The following TMCC3 variants were observed in gnomAD, a reference collection of about 807,000 sequenced individuals.
TMCC3 encodes transmembrane and coiled-coil domain family 3.
A neutral mutation model predicts 40.2 loss-of-function variants in TMCC3; 28 were observed. That is an observed-to-expected ratio of 0.70 (90% confidence interval 0.52 to 0.95). The LOEUF is 0.95. TMCC3 is among the 40% of genes least tolerant of loss of function. The pLI is 0.00. For missense variants in TMCC3, 554 were observed against 615.2 expected (o/e 0.90, Z 1.05); for synonymous variants, 255 against 248.5 (o/e 1.03, Z -0.25).
intron 1 of TMCC3, among the ~76,000 whole-genome samples, chr12:94,640,007 C>G (rs1458936324): frequency 6.6e-6 from 1 of 152,112 alleles, no homozygotes; most frequent in African/African-American, 2.4e-5. Flanking sequence ...CCAGGGTTTT[C>G]CTAGATGATT....
intron 1 of TMCC3, among the ~76,000 whole-genome samples, chr12:94,611,941 C>T (rs951183773): frequency 6.6e-6 from 1 of 152,178 alleles, no homozygotes; most frequent in Admixed American, 6.5e-5. Context: ...AGACTGTTTA[C>T]ATATAGTTCA....
At chr12:94,624,193 CT>C (rs1266283178) in intron 1 of TMCC3, among the ~76,000 whole-genome samples, 1 of 152,182 alleles carries the variant, frequency 6.6e-6, no homozygotes, top group Non-Finnish European at 1.5e-5. Context: ...GGAATATAAA[CT>C]GGTGCAACCA....
rs10716116 is a variant in TMCC3 at position 94,639,764 on chromosome 12, G to GA, written c.78+10588dup. Among the ~76,000 whole-genome samples, 573 of 103,240 alleles carry GA rather than the reference G, an allele frequency of 5.6e-3. 5 individuals are homozygous for GA. The highest frequency in any genetic ancestry group is 0.017 in the African/African-American group (454 of 26,452). The allele number at this position is 103,240 out of a possible 152,430, so 67.7% of individuals were successfully genotyped here. On this transcript the variant is annotated intron_variant, in intron 1 of 3. Coordinates refer to ENST00000261226, the MANE Select transcript of TMCC3 (RefSeq NM_020698.4). ...AAAGGAAGCCAAAATCAAGAGGTAAGAAAAAAAAAAAAAAAAGAAGAAGAA... is the reference window on the plus strand; with the variant it reads ...AAAGGAAGCCAAAATCAAGAGGTAAGAAAAAAAAAAAAAAAAAGAAGAAGAA...
chr12:94,637,453 G>A (rs1202474852), intron 1 of TMCC3, among the ~76,000 whole-genome samples: 1 of 152,222 alleles, frequency 6.6e-6, no homozygotes, highest in Admixed American at 6.5e-5. Flanking sequence ...TTGAAAACAT[G>A]CTGTGTCCGA....
rs946450240 is a variant in TMCC3, at chr12:94,567,553, A to AT, written c.*3881dup. The AT allele has an allele frequency of 2.7e-5, 4 of 146,436 alleles. No individual in the cohort carries two copies. Among genetic ancestry groups the AT allele is most frequent in the East Asian group, 3.9e-4 (2 of 5,186 alleles). The allele number at this position is 146,436 out of a possible 1,614,324, so 9.1% of individuals were successfully genotyped here. A position where few individuals can be genotyped will look rare whatever the true frequency, so the allele number is the denominator to read the frequency against. ...GGAAACTATAGGTTAGTTCTGTTTC[A>AT]TATCTTTTTTTTTTAGCATCTTATC... On this transcript the variant is annotated 3_prime_UTR_variant, in exon 4 of 4. Coordinates refer to ENST00000261226, the MANE Select transcript of TMCC3 (RefSeq NM_020698.4).
chr12:94,601,241 G>A (rs1386673259), intron 1 of TMCC3, among the ~76,000 whole-genome samples: 10 of 152,166 alleles, frequency 6.6e-5, no homozygotes, highest in Admixed American at 1.3e-4. Context: ...CTGGCCGGGC[G>A]CGGTGGCTCA....
intron 1 of TMCC3, chr12:94,614,048 T>C (rs534438769): frequency 6.1e-5 from 9 of 147,160 alleles, no homozygotes; most frequent in Admixed American, 2.8e-4. Flanking sequence ...TGAGCCGAGG[T>C]TGCACCACTG....
intron 1 of TMCC3, among the ~76,000 whole-genome samples, chr12:94,632,724 T>C (rs1034820957): frequency 1.2e-4 from 19 of 152,242 alleles, no homozygotes; most frequent in African/African-American, 4.3e-4. Context: ...ATTAGAAGAA[T>C]GGCTGTAAAT....
chr12:94,579,586 G>T (rs562072721), intron 2 of TMCC3, among the ~76,000 whole-genome samples: 1 of 152,198 alleles, frequency 6.6e-6, no homozygotes, highest in African/African-American at 2.4e-5. Context: ...ACTGTTTGGA[G>T]AAGATGCATT....
At chr12:94,627,255 C>G (rs2068908832) in intron 1 of TMCC3, among the ~76,000 whole-genome samples, 1 of 152,118 alleles carries the variant, frequency 6.6e-6, no homozygotes, top group Non-Finnish European at 1.5e-5. Context: ...GCCTGTTGCC[C>G]CCAAAGCCCT....
In TMCC3 at chr12:94,648,637, T is replaced by C. The variant is rs1292677585; in HGVS notation, c.78+1716A>G. Among the ~76,000 whole-genome samples, 11 of 152,222 alleles carry C rather than the reference T, an allele frequency of 7.2e-5. No homozygotes were observed. In the East Asian group the frequency reaches 2.1e-3, roughly 29 times the overall value. ...CAGATGCGGCAGAAACACTCTGCAG[T>C]TACCTTACACAATTGCTTTACCACA... On this transcript the variant is annotated intron_variant, in intron 1 of 3. Coordinates refer to ENST00000261226, the MANE Select transcript of TMCC3 (RefSeq NM_020698.4).
intron 1 of TMCC3, among the ~76,000 whole-genome samples, chr12:94,607,925 T>C (rs2068793154): frequency 6.6e-6 from 1 of 152,246 alleles, no homozygotes. Flanking sequence ...TTGATTTCTA[T>C]ACTTTAATGA....
intron 1 of TMCC3, among the ~76,000 whole-genome samples, chr12:94,625,103 T>C (rs1479233531): frequency 1.3e-5 from 2 of 149,136 alleles, no homozygotes; most frequent in Admixed American, 6.7e-5. Context: ...GATTGCACCA[T>C]TGCATTCCAG....
rs113522514 is a variant in TMCC3 at position 94,629,701 on chromosome 12, T to C, written c.78+20652A>G. Among the ~76,000 whole-genome samples, 540 of 152,318 alleles carry C rather than the reference T, an allele frequency of 3.5e-3. 8 individuals carry two copies. Among genetic ancestry groups the C allele is most frequent in the African/African-American group, 0.012 (515 of 41,562 alleles). On this transcript the variant is annotated intron_variant, in intron 1 of 3. Transcript: ENST00000261226. ...AGCTCGGGACACCTACAGCACAGTG[T>C]TGCCATGAGCTCCCATCCCTGGGTC...
chr12:94,580,387 T>A (rs1391727452), intron 2 of TMCC3, among the ~76,000 whole-genome samples: 2 of 152,226 alleles, frequency 1.3e-5, no homozygotes, highest in Non-Finnish European at 2.9e-5. Flanking sequence ...TGGAAAGTTC[T>A]TTATTTTACT....
rs932221648 is a variant in TMCC3, at chr12:94,646,491, T to G, written c.78+3862A>C. ...CTCACTCTTGTCCCCCAGGCTGGAG[T>G]GCAATGGCACGATCTCAGCTCTCTG... On this transcript the variant is annotated intron_variant, in intron 1 of 3. Coordinates refer to ENST00000261226, the MANE Select transcript of TMCC3 (RefSeq NM_020698.4). 8.2e-5 allele frequency among the ~76,000 whole-genome samples: 11 copies of G among 133,866 alleles called. No homozygotes were observed. In the East Asian group the frequency reaches 1.8e-3, roughly 22 times the overall value. 87.8% of individuals were successfully genotyped at this position (133,866 alleles called of 152,430 possible). A position where few individuals can be genotyped will look rare whatever the true frequency, so the allele number is the denominator to read the frequency against.
At chr12:94,617,234 G>A (rs2068852738) in intron 1 of TMCC3, among the ~76,000 whole-genome samples, 1 of 152,184 alleles carries the variant, frequency 6.6e-6, no homozygotes, top group Non-Finnish European at 1.5e-5. Context: ...ACGTCCTGAT[G>A]AACAGAGAGA....
intron 1 of TMCC3, among the ~76,000 whole-genome samples, chr12:94,636,510 CT>C (rs2138880986): frequency 6.6e-6 from 1 of 152,322 alleles, no homozygotes; most frequent in South Asian, 2.1e-4. Context: ...ACAAGCAAGA[CT>C]TTTGAACATG....
In TMCC3 at chr12:94,636,115, C is replaced by T. The variant is rs150638493; in HGVS notation, c.78+14238G>A. Among the ~76,000 whole-genome samples, 288 of 152,226 alleles carry T rather than the reference C, an allele frequency of 1.9e-3. 1 individual carries two copies. Among genetic ancestry groups the T allele is most frequent in the African/African-American group, 6.6e-3 (275 of 41,540 alleles). On this transcript the variant is annotated intron_variant, in intron 1 of 3. Coordinates refer to ENST00000261226, the MANE Select transcript of TMCC3 (RefSeq NM_020698.4). ...TGGAAAAAGTAGACATTTATAAAAA[C>T]AAAACTTGATACATATGAACAGCGG...
Sources: gnomAD v4.1 joint callset for allele counts (sites outside exome capture counted in the v4.1 genomes callset) on GRCh38, gnomAD v4.1.1 for gene constraint, MANE v1.5 for transcripts, NCBI Gene and HGNC (gene_info 2026-07-23, HGNC 2026-07-21) for gene names.